Variants in ZNF462 observed in about 807,000 individuals in gnomAD.
ZNF462 encodes zinc finger protein 462.
In ZNF462, 10 loss-of-function variants were observed where a neutral mutation model predicts 201.9. That is an observed-to-expected ratio of 0.05 (90% CI 0.03 to 0.08). ZNF462 has a LOEUF of 0.08. Among genes scored for constraint, ZNF462 ranks in the 10% least tolerant of loss-of-function variants. ZNF462 has a pLI of 1.00. For synonymous variants in ZNF462, 1,227 were observed against 1,193.3 expected (o/e 1.03, Z -0.58); for missense variants, 2,523 against 3,168.3 (o/e 0.80, Z 4.89).
intron 1 of ZNF462, among the ~76,000 whole-genome samples, chr9:106,921,730 A>G (rs1171547134): frequency 6.6e-6 from 1 of 152,184 alleles, no homozygotes; most frequent in Non-Finnish European, 1.5e-5. Context: ...ATTTGTTTTC[A>G]GGTCTAATGG....
At position 106,930,129 on chromosome 9, in the gene ZNF462, C is replaced by G. The variant is rs1176419489; in HGVS notation, c.5847+370C>G. 6.6e-6 allele frequency among the ~76,000 whole-genome samples: 1 copy of G among 152,176 alleles called. No individual in the cohort carries two copies. The highest frequency in any genetic ancestry group is 6.5e-5 in the Admixed American group (1 of 15,282). Reference sequence around the variant, plus strand: ...TACCATTAGCACTTCTCAGCCATGTCTTGGTCTTCAGTGTTTGCTACATGA... The same window carrying G: ...TACCATTAGCACTTCTCAGCCATGTGTTGGTCTTCAGTGTTTGCTACATGA... On this transcript the variant is annotated intron_variant, in intron 3 of 12. Coordinates refer to ENST00000277225, the MANE Select transcript of ZNF462 (RefSeq NM_021224.6). The surrounding 1 kb of genome is among the most constrained non-coding windows in gnomAD (Gnocchi z 5.8).
At position 106,938,866 on chromosome 9, in the gene ZNF462, C is replaced by T. The variant is rs1297123264; in HGVS notation, c.6236-50C>T. ...TCTTGTTTCCACCCTGGCCTTATAC[C>T]CTTCTCCCCTCTTTTTCCTGTTCTA... On this transcript the variant is annotated intron_variant, in intron 6 of 12. Transcript: ENST00000277225. The surrounding 1 kb of genome is among the most constrained non-coding windows in gnomAD (Gnocchi z 4.4). 2.3e-5 allele frequency: 36 copies of T among 1,536,528 alleles called. No homozygotes were observed. The highest frequency in any genetic ancestry group is 3.2e-5 in the Non-Finnish European group (36 of 1,137,282).
At chr9:106,881,490 A>G (rs924580544) in intron 1 of ZNF462, among the ~76,000 whole-genome samples, 4 of 152,240 alleles carry the variant, frequency 2.6e-5, no homozygotes, top group Non-Finnish European at 5.9e-5. Context: ...CTTTTGAGGA[A>G]TAAAGGAAAT....
rs1404084196 is a variant in ZNF462 at position 106,950,439 on chromosome 9, GTGATTTTATTGTTACTC to G, written c.6427+11342_6427+11358del. ...TCACAAATTATTGTCCTTGTGAGTT[GTGATTTTATTGTTACTC>G]TGATTTTATAGTATTTTAAAATTTT... On this transcript the variant is annotated intron_variant, in intron 7 of 12. Transcript: ENST00000277225. The surrounding 1 kb of genome is among the most constrained non-coding windows in gnomAD (Gnocchi z 4.1). Among the ~76,000 whole-genome samples, 2 of 152,168 alleles carry G rather than the reference GTGATTTTATTGTTACTC, an allele frequency of 1.3e-5. No homozygotes were observed. The highest frequency in any genetic ancestry group is 1.3e-4 in the Admixed American group (2 of 15,280).
chr9:106,997,110 T>C (rs187582858), intron 10 of ZNF462, among the ~76,000 whole-genome samples: 276 of 151,452 alleles, frequency 1.8e-3, no homozygotes, highest in Middle Eastern at 3.4e-3. Flanking sequence ...TTTCTTTCTT[T>C]CCCCCCCCAG....
chr9:106,929,722 A>T lies in ZNF462; in HGVS notation c.5810A>T (p.Tyr1937Phe). 1 of 1,614,082 alleles carries T rather than the reference A, an allele frequency of 6.2e-7. No homozygotes were observed. ...AAACAGCTTTTGAGCAAGCAGAAAT[A>T]TGCAGATGGTGCTTTTGCAGATTTC... The part of the protein sequence containing the change: ...RRKQLLSKQK[Y>F]ADGAFADFKQ... The change falls in exon 3 of 13, where the codon TAT (tyrosine) becomes TTT (phenylalanine). Residue 1937 changes from tyrosine to phenylalanine, a missense_variant. Physicochemically the swap from Tyr to Phe is conservative, Grantham distance 22. Transcript: ENST00000277225. This position sits in a 1 kb window ranked among gnomAD's most constrained non-coding sequence, Gnocchi z 8.7.
At chr9:106,897,138 T>C (rs1275385771) in intron 1 of ZNF462, among the ~76,000 whole-genome samples, 1 of 152,214 alleles carries the variant, frequency 6.6e-6, no homozygotes, top group Admixed American at 6.5e-5. Flanking sequence ...AAAGTAAAAC[T>C]TCTTTTCAAC....
At position 106,950,273 on chromosome 9, in the gene ZNF462, G is replaced by A. The variant is rs1168895626; in HGVS notation, c.6427+11166G>A. ...CTATGTAATGTCAGTTTACACCTAA[G>A]TATTTCAAGGTATTTTCTTAAGTGA... On this transcript the variant is annotated intron_variant, in intron 7 of 12. Transcript: ENST00000277225. This position sits in a 1 kb window ranked among gnomAD's most constrained non-coding sequence, Gnocchi z 4.1. Among the ~76,000 whole-genome samples, 1 of 152,170 alleles carries A rather than the reference G, an allele frequency of 6.6e-6. No homozygotes were observed. The highest frequency in any genetic ancestry group is 1.5e-5 in the Non-Finnish European group (1 of 68,034).
intron 5 of ZNF462, among the ~76,000 whole-genome samples, chr9:106,934,783 T>C (rs769083269): frequency 1.3e-5 from 2 of 152,230 alleles, no homozygotes; most frequent in Non-Finnish European, 2.9e-5. Context: ...TATTATTTTT[T>C]TAGGCTAATA....
Position 106,927,406 on chromosome 9 carries a change from G to A in ZNF462, c.3494G>A (p.Gly1165Asp). The A allele has an allele frequency of 6.2e-7, 1 of 1,613,982 alleles. No homozygotes were observed. The highest frequency in any genetic ancestry group is 8.5e-7 in the Non-Finnish European group (1 of 1,179,980). ...AMMRGVEGPQ[G>D]SPRPPAPIQQ... is the part of the protein sequence containing the mutation. ...ATGAGAGGGGTCGAAGGGCCCCAAGGCTCCCCCCGGCCACCCGCCCCCATA... is the reference window on the plus strand; with the variant it reads ...ATGAGAGGGGTCGAAGGGCCCCAAGACTCCCCCCGGCCACCCGCCCCCATA... Residue 1165 changes from glycine (G) to aspartate (D), a missense_variant, in exon 3 of 13, where the codon GGC becomes GAC. Around this residue, in one of 15 missense-constraint regions of ZNF462, gnomAD observed 222 missense variants for 271.6 expected, o/e 0.82. Transcript: ENST00000277225.
intron 1 of ZNF462, among the ~76,000 whole-genome samples, chr9:106,874,843 A>G (rs1362271114): frequency 6.6e-6 from 1 of 152,186 alleles, no homozygotes; most frequent in African/African-American, 2.4e-5. Context: ...AGTGTTTCAG[A>G]ATACCTCACC....
In ZNF462 at chr9:106,930,837, C is replaced by T. The variant is rs1434927483; in HGVS notation, c.6012+148C>T. 4 of 1,004,060 alleles carry T rather than the reference C, an allele frequency of 4.0e-6. No homozygotes were observed. The highest frequency in any genetic ancestry group is 1.6e-5 in the African/African-American group (1 of 61,752). 62.2% of individuals were successfully genotyped at this position (1,004,060 alleles called of 1,614,324 possible). A position where few individuals can be genotyped will look rare whatever the true frequency, so the allele number is the denominator to read the frequency against. ...GGATTGGTTTGGCTTGTTTTGATTT[C>T]TTTGCAGGTTGGACCTTCCTCATCT... On this transcript the variant is annotated intron_variant, in intron 4 of 12. Coordinates refer to ENST00000277225, the MANE Select transcript of ZNF462 (RefSeq NM_021224.6). This position sits in a 1 kb window ranked among gnomAD's most constrained non-coding sequence, Gnocchi z 5.8.
intron 1 of ZNF462, among the ~76,000 whole-genome samples, chr9:106,875,916 A>ACG (rs1827810733): frequency 6.6e-6 from 1 of 152,242 alleles, no homozygotes; most frequent in Non-Finnish European, 1.5e-5. Context: ...ATATATGTAT[A>ACG]TGTATGTATA....
chr9:106,975,028 TG>T (rs1405260092), intron 9 of ZNF462: 1 of 152,240 alleles, frequency 6.6e-6, no homozygotes, highest in Admixed American at 6.5e-5. Context: ...CATTTACCCT[TG>T]GCCAATTAAA....
rs1373693470 is a variant in ZNF462, at chr9:106,895,697, C to T, written c.-30-27657C>T. Among the ~76,000 whole-genome samples the T allele has an allele frequency of 6.6e-6, 1 of 152,140 alleles. No individual in the cohort carries two copies. The highest frequency in any genetic ancestry group is 2.4e-5 in the African/African-American group (1 of 41,430). On this transcript the variant is annotated intron_variant, in intron 1 of 12. Coordinates refer to ENST00000277225, the MANE Select transcript of ZNF462 (RefSeq NM_021224.6). The surrounding 1 kb of genome is among the most constrained non-coding windows in gnomAD (Gnocchi z 4.4). The stretch of plus-strand genomic sequence containing the variant: ...TATACAGGTCAGGAAGTTGGAGGTC[C>T]TGTTGTCTTTCTTTGCTAAAACCTA...
chr9:106,965,784 T>A (rs991189953), intron 7 of ZNF462, among the ~76,000 whole-genome samples: 1 of 152,096 alleles, frequency 6.6e-6, no homozygotes, highest in South Asian at 2.1e-4. Flanking sequence ...AGGTTTCCCA[T>A]TGCAGAATTC....
At chr9:106,960,228 C>G (rs1201346759) in intron 7 of ZNF462, among the ~76,000 whole-genome samples, 1 of 152,024 alleles carries the variant, frequency 6.6e-6, no homozygotes, top group Admixed American at 6.6e-5. Context: ...TGTGCTCTTT[C>G]CTCTTGATTA....
chr9:106,866,624 T>TA (rs937037221), intron 1 of ZNF462, among the ~76,000 whole-genome samples: 1 of 152,044 alleles, frequency 6.6e-6, no homozygotes, highest in Non-Finnish European at 1.5e-5. Context: ...CAAGAGCACT[T>TA]AAAAAAAATC....
In ZNF462 at chr9:106,877,579, A is replaced by C. The variant is rs566062889; in HGVS notation, c.-31+14224A>C. Reference sequence around the variant, plus strand: ...TAATTTTTAGTAGAGATGGGGTTTCAGCATGTTGGCCACGCTGGTCTTGAA... The same window carrying C: ...TAATTTTTAGTAGAGATGGGGTTTCCGCATGTTGGCCACGCTGGTCTTGAA... On this transcript the variant is annotated intron_variant, in intron 1 of 12. Coordinates refer to ENST00000277225, the MANE Select transcript of ZNF462 (RefSeq NM_021224.6). 5.9e-5 allele frequency among the ~76,000 whole-genome samples: 9 copies of C among 151,974 alleles called. No homozygotes were observed. The South Asian group carries it at 1.7e-3, about 28-fold the overall frequency.
Sources: gnomAD v4.1 joint callset for allele counts (sites outside exome capture counted in the v4.1 genomes callset) on GRCh38, gnomAD v4.1.1 for gene constraint, gnomAD v4.1.1 regional missense constraint, Gnocchi (gnomAD v3.1) non-coding constraint, MANE v1.5 for transcripts, NCBI Gene and HGNC (gene_info 2026-07-23, HGNC 2026-07-21) for gene names.